The following IL12RB2 variants were observed in gnomAD, a reference collection of about 807,000 sequenced individuals.
IL12RB2 encodes interleukin-12 receptor subunit beta-2.
Under a neutral mutation model 89.4 loss-of-function variants are expected in IL12RB2, and 82 were observed. The observed-to-expected ratio is 0.92, with a 90% CI of 0.77 to 1.10. IL12RB2 has a LOEUF of 1.10. Ranked by LOEUF, IL12RB2 falls within the 50% of genes least tolerant of loss-of-function variation. The pLI is 0.00. For missense variants in IL12RB2, 963 were observed against 1,031.9 expected, an observed-to-expected ratio of 0.93 and a Z score of 0.92; for synonymous variants, 368 against 370.1, an observed-to-expected ratio of 0.99 and a Z score of 0.07.
Position 67,372,522 on chromosome 1 carries a change from T to G in IL12RB2, c.1546T>G (p.Ser516Ala). The G allele has an allele frequency of 2.5e-6, 4 of 1,603,788 alleles. No individual in the cohort carries two copies. The highest frequency in any genetic ancestry group is 3.4e-6 in the Non-Finnish European group (4 of 1,170,552). Residue 516 changes from serine (S) to alanine (A), a missense_variant, in exon 12 of 17, where the codon TCT (serine) becomes GCT (alanine). Ser to Ala is a moderately conservative substitution (Grantham distance 99). Coordinates refer to ENST00000674203, the MANE Select transcript of IL12RB2 (RefSeq NM_001374259.2). Reference protein sequence around the residue: ...QGGCSSILGNSKHKAPLSGPH... With the variant: ...QGGCSSILGNAKHKAPLSGPH... ...AGGATGCAGCTCCATCCTGGGTAAC[T>G]CTAAGCACAAAGGTGAGTCTTGGGA...
rs1665995188 is a variant in IL12RB2, at chr1:67,393,024, G to A, written c.2047-2523G>A. On this transcript the variant is annotated intron_variant, in intron 16 of 16. Transcript: ENST00000674203. ...TAAGCAGCTTAAATATGGCCTCGAG[G>A]ATGAAAGCCTTGAGACGGCCTTAGA... Among the ~76,000 whole-genome samples the A allele has an allele frequency of 2.0e-5, 3 of 152,160 alleles. No individual in the cohort carries two copies. The South Asian group carries it at 6.2e-4, about 32-fold the overall frequency.
At chr1:67,327,978 T>C (rs1394056476) in intron 5 of IL12RB2, among the ~76,000 whole-genome samples, 1 of 152,200 alleles carries the variant, frequency 6.6e-6, no homozygotes, top group Non-Finnish European at 1.5e-5. Flanking sequence ...TCTACATGAA[T>C]GTGGAAGAAC....
chr1:67,390,119 C>T lies in IL12RB2; in HGVS notation c.2037C>T (p.Pro679=). 8.7e-7 allele frequency: 1 copy of T among 1,153,630 alleles called. No individual in the cohort carries two copies. 71.5% of individuals were successfully genotyped at this position (1,153,630 alleles called of 1,614,324 possible). ...ATAGCACTTGCGCTAAGAAATATCC[C>T]ATTGCAGAGGTAAGGTACAATTCCT... ...PANSTCAKKY[P]IAEEKTQLPL... The change falls in exon 16 of 17, where the codon CCC becomes CCT. Residue 679 remains proline (P), a synonymous_variant. Coordinates refer to ENST00000674203, the MANE Select transcript of IL12RB2 (RefSeq NM_001374259.2).
chr1:67,381,979 C>G (rs1664649639), intron 14 of IL12RB2, among the ~76,000 whole-genome samples: 1 of 151,924 alleles, frequency 6.6e-6, no homozygotes, highest in African/African-American at 2.4e-5. Flanking sequence ...GAGCGAGACT[C>G]TGTCTCAAAA....
intron 10 of IL12RB2, among the ~76,000 whole-genome samples, chr1:67,355,139 C>T (rs17129853): frequency 7.6e-4 from 116 of 152,052 alleles, no homozygotes; most frequent in Middle Eastern, 6.8e-3. Flanking sequence ...CAGGGCCAGG[C>T]GCCGTGGCTC....
intron 9 of IL12RB2, among the ~76,000 whole-genome samples, chr1:67,348,421 G>A (rs1054744269): frequency 2.0e-5 from 3 of 152,148 alleles, no homozygotes; most frequent in Non-Finnish European, 2.9e-5. Flanking sequence ...TGGCCTAGAA[G>A]TCGAGAGCTC....
intron 13 of IL12RB2, among the ~76,000 whole-genome samples, chr1:67,376,896 A>G (rs1050987138): frequency 2.0e-5 from 3 of 152,096 alleles, no homozygotes; most frequent in Non-Finnish European, 4.4e-5. Context: ...TCTAAAATTA[A>G]TTTTTTAATC....
chr1:67,380,620 G>A (rs374133134), intron 14 of IL12RB2, among the ~76,000 whole-genome samples: 8 of 152,344 alleles, frequency 5.3e-5, no homozygotes, highest in Admixed American at 6.5e-5. Context: ...CTGCTGTAAC[G>A]AAGCACCACA....
chr1:67,340,757 T>G (rs1476581342), intron 9 of IL12RB2, among the ~76,000 whole-genome samples: 1 of 152,226 alleles, frequency 6.6e-6, no homozygotes, highest in Non-Finnish European at 1.5e-5. Flanking sequence ...TCAAAATAAG[T>G]ATGTGTTGGC....
intron 11 of IL12RB2, among the ~76,000 whole-genome samples, chr1:67,371,398 T>C (rs1358940413): frequency 6.6e-6 from 1 of 151,228 alleles, no homozygotes; most frequent in Non-Finnish European, 1.5e-5. Flanking sequence ...TTTTCTATGA[T>C]ATAAAATTAT....
chr1:67,319,428 C>T (rs1019533363), intron 2 of IL12RB2, among the ~76,000 whole-genome samples: 1 of 152,122 alleles, frequency 6.6e-6, no homozygotes, highest in Non-Finnish European at 1.5e-5. Context: ...AATAAGTAAA[C>T]AAGCTTCTCT....
chr1:67,334,984 C>A (rs1658579528), intron 8 of IL12RB2, among the ~76,000 whole-genome samples: 3 of 152,192 alleles, frequency 2.0e-5, no homozygotes, highest in African/African-American at 7.2e-5. Flanking sequence ...ATATCAGACA[C>A]TTTCACTAAC....
chr1:67,350,171 T>G (rs1320360096), intron 9 of IL12RB2, among the ~76,000 whole-genome samples: 2 of 152,264 alleles, frequency 1.3e-5, no homozygotes, highest in Non-Finnish European at 1.5e-5. Flanking sequence ...ACTCTCCATA[T>G]TCTATGCTTC....
chr1:67,393,309 A>C (rs1438538622), intron 16 of IL12RB2, among the ~76,000 whole-genome samples: 1 of 152,198 alleles, frequency 6.6e-6, no homozygotes, highest in Non-Finnish European at 1.5e-5. Flanking sequence ...AAAAGCTTAA[A>C]ATAGTGTCCA....
At chr1:67,313,388 G>A (rs2030070) in intron 1 of IL12RB2, among the ~76,000 whole-genome samples, 148,246 of 152,310 alleles carry the variant, frequency 0.97, 72,288 homozygotes, top group Middle Eastern at 1. Flanking sequence ...GCCTAGCATC[G>A]TGCCTGAAAC....
chr1:67,337,569 G>T (rs908014872), intron 8 of IL12RB2, among the ~76,000 whole-genome samples: 2 of 152,192 alleles, frequency 1.3e-5, no homozygotes, highest in African/African-American at 4.8e-5. Context: ...TTACAGATTG[G>T]TGGTTATTTA....
chr1:67,395,547 G>A lies in IL12RB2; in HGVS notation c.2047G>A (p.Glu683Lys). 1.2e-6 allele frequency: 2 copies of A among 1,614,198 alleles called. No individual in the cohort carries two copies. The highest frequency in any genetic ancestry group is 1.7e-6 in the Non-Finnish European group (2 of 1,180,034). ...GCCTCTTCCTCCTCCTTTCTCTCAG[G>A]AGAAGACACAGCTGCCCTTGGACAG... ...TCAKKYPIAE[E>K]KTQLPLDRLL... The change falls in exon 17 of 17, where the codon GAG becomes AAG. Residue 683 changes from glutamate (E) to lysine (K), a missense_variant and splice_region_variant. Glu to Lys is a moderately conservative substitution (Grantham distance 56). Transcript: ENST00000674203.
intron 15 of IL12RB2, among the ~76,000 whole-genome samples, chr1:67,388,062 C>T (rs373875919): frequency 7.3e-5 from 11 of 151,624 alleles, no homozygotes; most frequent in Non-Finnish European, 1.3e-4. Context: ...CCTGTAGTCC[C>T]GGTATTCAGG....
chr1:67,338,328 T>G (rs538948477), intron 8 of IL12RB2, among the ~76,000 whole-genome samples: 1 of 66,834 alleles, frequency 1.5e-5, no homozygotes, highest in East Asian at 3.9e-4. Flanking sequence ...CAGAGCAAGA[T>G]CCTGTCTCAA....
Sources: gnomAD v4.1 joint callset for allele counts (sites outside exome capture counted in the v4.1 genomes callset) on GRCh38, gnomAD v4.1.1 for gene constraint, MANE v1.5 for transcripts, NCBI Gene and HGNC (gene_info 2026-07-23, HGNC 2026-07-21) for gene names.